Variants in ATRN observed in about 807,000 individuals in gnomAD.
ATRN encodes attractin.
A neutral mutation model predicts 178.7 loss-of-function variants in ATRN; 54 were observed. That is an observed-to-expected ratio of 0.30 (90% CI 0.24 to 0.38). The LOEUF is 0.38. ATRN is among the 10% of genes least tolerant of loss of function. The pLI is 1.00. For missense variants in ATRN, 1,443 were observed against 1,815.1 expected (o/e 0.79, Z 3.73); for synonymous variants, 636 against 663.0 (o/e 0.96, Z 0.63).
intron 20 of ATRN, 50 bp downstream of exon 20, chr20:3,594,622 G>T: frequency 6.6e-7 from 1 of 1,508,670 alleles, no homozygotes; most frequent in Non-Finnish European, 9.1e-7. Context: ...AGGCTGTGCA[G>T]CTGCCTGAAC....
chr20:3,507,375 C>G (rs949537803), intron 1 of ATRN, among the ~76,000 whole-genome samples: 5 of 149,880 alleles, frequency 3.3e-5, no homozygotes, highest in Admixed American at 3.3e-4. Context: ...CGCCACTGCA[C>G]TCCAGCCTGC....
In ATRN at chr20:3,572,817, G is replaced by T. The variant is rs1568737866; in HGVS notation, c.1958G>T (p.Ser653Ile). The part of the protein sequence containing the change: ...FTSEQCDAHR[S>I]EAACLAAGPG... The stretch of plus-strand genomic sequence containing the variant: ...TCGGAACAGTGTGATGCGCATCGGA[G>T]TGAAGCCGCTTGTTTAGCAGCAGGA... The change falls in exon 12 of 29, where the codon AGT becomes ATT. Residue 653 changes from serine (S) to isoleucine (I), a missense_variant. Ser to Ile is a moderately radical substitution (Grantham distance 142). Around this residue, in one of 4 missense-constraint regions of ATRN, gnomAD observed 862 missense variants for 972.1 expected, o/e 0.89. Transcript: ENST00000262919. 1 of 1,613,928 alleles carries T rather than the reference G, an allele frequency of 6.2e-7. No homozygotes were observed. The highest frequency in any genetic ancestry group is 1.7e-5 in the Admixed American group (1 of 59,948).
At position 3,597,796 on chromosome 20, in the gene ATRN, A is replaced by C. The variant is rs1170691113; in HGVS notation, c.3470-110A>C. The C allele has an allele frequency of 3.4e-5, 22 of 650,842 alleles. No individual in the cohort carries two copies. In the East Asian group the frequency reaches 4.4e-4, roughly 13 times the overall value. The allele number at this position is 650,842 out of a possible 1,614,324, so 40.3% of individuals were successfully genotyped here. ...GAGGAACCTGGGTACAGCTGAGTTAAAGTGCTTTCCTCGTTACTTAATTTA... is the reference window on the plus strand; with the variant it reads ...GAGGAACCTGGGTACAGCTGAGTTACAGTGCTTTCCTCGTTACTTAATTTA... On this transcript the variant is annotated intron_variant, in intron 21 of 28. Coordinates refer to ENST00000262919, the MANE Select transcript of ATRN (RefSeq NM_139321.3).
In ATRN at chr20:3,471,119, A is replaced by G. The variant is rs1455141160; in HGVS notation, c.12A>G (p.Ala4=). 15 of 1,510,634 alleles carry G rather than the reference A, an allele frequency of 9.9e-6. No homozygotes were observed. Among genetic ancestry groups the G allele is most frequent in the Non-Finnish European group, 1.1e-5 (13 of 1,136,172 alleles). 93.6% of individuals were successfully genotyped at this position (1,510,634 alleles called of 1,614,324 possible). A position where few individuals can be genotyped will look rare whatever the true frequency, so the allele number is the denominator to read the frequency against. Residue 4 remains alanine (A), a synonymous_variant, in exon 1 of 29, where the codon GCA becomes GCG. Transcript: ENST00000262919. Reference sequence around the variant, plus strand: ...TCAGCCCCGGGAAGATGGTGGCTGCAGCGGCGGCAACTGAGGCAAGGCTGA... The same window carrying G: ...TCAGCCCCGGGAAGATGGTGGCTGCGGCGGCGGCAACTGAGGCAAGGCTGA... MVA[A]AAATEARLRR...
At chr20:3,530,268 GT>G (rs1365326333) in intron 1 of ATRN, among the ~76,000 whole-genome samples, 1 of 147,300 alleles carries the variant, frequency 6.8e-6, no homozygotes, top group Non-Finnish European at 1.5e-5. Context: ...ATATATATAT[GT>G]TTTTTTCTTT....
intron 1 of ATRN, among the ~76,000 whole-genome samples, chr20:3,506,059 CACAT>C (rs1237636835): frequency 1.3e-5 from 2 of 148,912 alleles, no homozygotes; most frequent in South Asian, 2.1e-4. Context: ...GACACACTGA[CACAT>C]ACACATACAC....
chr20:3,481,645 C>A (rs1266180076), intron 1 of ATRN, among the ~76,000 whole-genome samples: 1 of 141,804 alleles, frequency 7.1e-6, no homozygotes, highest in Non-Finnish European at 1.6e-5. Context: ...CATGCTTGGA[C>A]CCTTTAAATT....
intron 11 of ATRN, among the ~76,000 whole-genome samples, chr20:3,566,904 CAAAAAAAA>C (rs33920660): frequency 2.3e-5 from 2 of 86,466 alleles, no homozygotes; most frequent in Admixed American, 1.6e-4. Context: ...GACTCCATCT[CAAAAAAAA>C]AAAAAAAAAA....
At chr20:3,634,535 C>G (rs1361375911) in intron 26 of ATRN, 146 bp downstream of exon 26, 4 of 657,112 alleles carry the variant, frequency 6.1e-6, no homozygotes, top group Non-Finnish European at 7.9e-6. Context: ...TTTCTGCAGT[C>G]CATGGTTCTG....
At chr20:3,569,538 T>G (rs1377174315) in intron 11 of ATRN, among the ~76,000 whole-genome samples, 1 of 152,222 alleles carries the variant, frequency 6.6e-6, no homozygotes, top group Non-Finnish European at 1.5e-5. Context: ...GTGAGTAGAC[T>G]GTACACTACT....
chr20:3,575,298 G>T (rs182070299), intron 12 of ATRN, among the ~76,000 whole-genome samples: 1 of 152,142 alleles, frequency 6.6e-6, no homozygotes, highest in Non-Finnish European at 1.5e-5. Context: ...CAGGAGATGC[G>T]GCAGGTCTGT....
intron 21 of ATRN, among the ~76,000 whole-genome samples, chr20:3,596,886 A>G (rs1048594673): frequency 6.6e-5 from 10 of 152,060 alleles, no homozygotes; most frequent in African/African-American, 2.2e-4. Flanking sequence ...CCATGTTTTT[A>G]TGGGTAAATG....
intron 1 of ATRN, among the ~76,000 whole-genome samples, 169 bp from the exon 2 acceptor site, chr20:3,535,084 T>A (rs1183652348): frequency 6.6e-6 from 1 of 151,942 alleles, no homozygotes; most frequent in Non-Finnish European, 1.5e-5. Flanking sequence ...AATCTGAATA[T>A]AACTAGTCAT....
intron 1 of ATRN, among the ~76,000 whole-genome samples, chr20:3,524,635 C>T (rs1801836923): frequency 6.6e-6 from 1 of 152,220 alleles, no homozygotes; most frequent in Admixed American, 6.5e-5. Flanking sequence ...CCACATGGCA[C>T]TTGTCCTAAA....
chr20:3,536,525 G>A (rs1358953870), intron 2 of ATRN, among the ~76,000 whole-genome samples: 2 of 151,946 alleles, frequency 1.3e-5, no homozygotes, highest in African/African-American at 2.4e-5. Context: ...ATAAGTTTAT[G>A]TTTTTCTATT....
intron 1 of ATRN, among the ~76,000 whole-genome samples, chr20:3,525,907 A>G (rs768477870): frequency 9.2e-5 from 14 of 152,224 alleles, no homozygotes; most frequent in Non-Finnish European, 4.4e-5. Flanking sequence ...ATCTCAAGAT[A>G]ATAAGAGCTA....
Position 3,649,110 on chromosome 20 carries a change from T to C in ATRN, c.*2263T>C, listed in dbSNP as rs534320938. On this transcript the variant is annotated 3_prime_UTR_variant, in exon 29 of 29. Transcript: ENST00000262919. ...TGGGGAAGCCGCTGAATCCACCTGC[T>C]TCTCCTTTGCAACCGACAGCAAACA... 2 of 152,358 alleles carry C rather than the reference T, an allele frequency of 1.3e-5. No homozygotes were observed. The highest frequency in any genetic ancestry group is 4.1e-4 in the South Asian group (2 of 4,830). The allele number at this position is 152,358 out of a possible 1,614,324, so 9.4% of individuals were successfully genotyped here.
chr20:3,551,625 G>A (rs2085788058), intron 6 of ATRN, among the ~76,000 whole-genome samples: 1 of 151,974 alleles, frequency 6.6e-6, no homozygotes, highest in Non-Finnish European at 1.5e-5. Flanking sequence ...ATCTCCACAT[G>A]GGTCCATAAT....
intron 24 of ATRN, 144 bp downstream of exon 24, chr20:3,604,406 C>T (rs2042999915): frequency 1.1e-6 from 1 of 916,298 alleles, no homozygotes; most frequent in Non-Finnish European, 1.6e-6. Flanking sequence ...GAGTGCTGAG[C>T]ACATGCATGC....
Sources: allele counts gnomAD v4.1 joint callset (sites outside exome capture counted in the v4.1 genomes callset), GRCh38; gene constraint gnomAD v4.1.1; regional missense constraint gnomAD v4.1.1; transcripts MANE v1.5; gene names NCBI Gene and HGNC (gene_info 2026-07-23, HGNC 2026-07-21).